PCDHGA2: variants seen among roughly 807,000 people sequenced by gnomAD.
The protein encoded by PCDHGA2 is protocadherin gamma-A2.
Under a neutral mutation model 59.2 loss-of-function variants are expected in PCDHGA2, and 40 were observed. That is an observed-to-expected ratio of 0.68 (90% confidence interval 0.52 to 0.88). The LOEUF is 0.88. PCDHGA2 is among the 40% of genes least tolerant of loss of function. The probability of loss-of-function intolerance (pLI) is 0.00; values close to 1 mark genes in which losing one functional copy is unlikely to be tolerated. For missense variants in PCDHGA2, 1,226 were observed against 1,204.0 expected (o/e 1.02, Z -0.27); for synonymous variants, 560 against 526.0 (o/e 1.06, Z -0.89).
chr5:141,399,813 G>T (rs985564503), intron 1 of PCDHGA2: 1 of 1,613,080 alleles, frequency 6.2e-7, no homozygotes, highest in Admixed American at 1.7e-5. Flanking sequence ...TGTACCCCGC[G>T]CTGGGTCCCG....
At chr5:141,421,322 T>A (rs774885270) in intron 1 of PCDHGA2, 1 of 1,613,864 alleles carries the variant, frequency 6.2e-7, no homozygotes, top group Non-Finnish European at 8.5e-7. Context: ...GCCAGGCAGA[T>A]CCGATATTCG....
At chr5:141,507,704 G>A (rs989196400) in intron 3 of PCDHGA2, among the ~76,000 whole-genome samples, 5 of 152,210 alleles carry the variant, frequency 3.3e-5, no homozygotes, top group African/African-American at 9.6e-5. Context: ...AGTATTTATG[G>A]CCCCAAACCC....
intron 1 of PCDHGA2, chr5:141,471,546 G>T (rs1271594387): frequency 6.6e-6 from 1 of 152,202 alleles, no homozygotes; most frequent in African/African-American, 2.4e-5. Flanking sequence ...AGCATTTAAG[G>T]TTGCTTTGAC....
At position 141,431,580 on chromosome 5, in the gene PCDHGA2, A is replaced by G. The variant is rs777990962; in HGVS notation, c.2425-63227A>G. ...GCTACCGACCCTGACGAAGGAGTCA[A>G]TGCGGAAGTGAGGTATTCCTTCCGG... On this transcript the variant is annotated intron_variant, in intron 1 of 3. Coordinates refer to ENST00000394576, the MANE Select transcript of PCDHGA2 (RefSeq NM_018915.4). The surrounding 1 kb of genome is among the most constrained non-coding windows in gnomAD (Gnocchi z 4.8). 1.2e-5 allele frequency: 19 copies of G among 1,614,098 alleles called. No homozygotes were observed. Among genetic ancestry groups the G allele is most frequent in the Non-Finnish European group, 1.5e-5 (18 of 1,180,040 alleles).
In PCDHGA2 at chr5:141,340,241, G is replaced by A. The variant is rs543278330; in HGVS notation, c.1270G>A (p.Ala424Thr). The part of the protein sequence containing the change: ...QFSFYNITLT[A>T]KDGGNPSLST... ...TTCCTTTTACAACATCACTCTAACC[G>A]CTAAAGATGGAGGGAACCCCTCCCT... The change falls in exon 1 of 4, where the codon GCT becomes ACT. Residue 424 changes from alanine to threonine, a missense_variant. Transcript: ENST00000394576. 1.2e-5 allele frequency: 20 copies of A among 1,614,118 alleles called. No individual in the cohort carries two copies. Among genetic ancestry groups the A allele is most frequent in the East Asian group, 2.2e-5 (1 of 44,870 alleles).
intron 1 of PCDHGA2, among the ~76,000 whole-genome samples, chr5:141,382,474 A>G (rs1436988724): frequency 6.6e-6 from 1 of 152,244 alleles, no homozygotes; most frequent in East Asian, 1.9e-4. Context: ...AAAATTATCT[A>G]AGATTATCAA....
rs1163950013 is a variant in PCDHGA2 at position 141,512,955 on chromosome 5, A to G, written c.*1782A>G. 2 of 152,234 alleles carry G rather than the reference A, an allele frequency of 1.3e-5. No homozygotes were observed. The highest frequency in any genetic ancestry group is 2.9e-5 in the Non-Finnish European group (2 of 68,046). The allele number at this position is 152,234 out of a possible 1,614,324, so 9.4% of individuals were successfully genotyped here. ...GCTTTTTTTCTTCGACAAAAAAATA[A>G]TAAAACGTTTCTTCTGAAAAGCTGA... On this transcript the variant is annotated 3_prime_UTR_variant, in exon 4 of 4. Coordinates refer to ENST00000394576, the MANE Select transcript of PCDHGA2 (RefSeq NM_018915.4).
chr5:141,420,335 A>G (rs2096490280), intron 1 of PCDHGA2: 1 of 1,403,918 alleles, frequency 7.1e-7, no homozygotes, highest in Non-Finnish European at 9.5e-7. Flanking sequence ...ATATTCCAAT[A>G]TAGTGGTATT....
intron 1 of PCDHGA2, chr5:141,415,740 G>GTTTTTTGTTT (rs2095911797): frequency 3.9e-6 from 2 of 515,998 alleles, no homozygotes; most frequent in African/African-American, 2.8e-5. Context: ...GTTTATTAAG[G>GTTTTTTGTTT]TTTTTTTTTT....
intron 1 of PCDHGA2, chr5:141,428,212 C>A (rs1295973505): frequency 8.0e-7 from 1 of 1,255,000 alleles, no homozygotes; most frequent in Non-Finnish European, 1.1e-6. Context: ...TACGCTTCAC[C>A]TAGTCTTCGC....
rs761227475 is a variant in PCDHGA2 at position 141,489,382 on chromosome 5, G to A, written c.2425-5425G>A. 4 of 1,613,872 alleles carry A rather than the reference G, an allele frequency of 2.5e-6. No homozygotes were observed. The highest frequency in any genetic ancestry group is 1.7e-5 in the Admixed American group (1 of 60,006). On this transcript the variant is annotated intron_variant, in intron 1 of 3. Coordinates refer to ENST00000394576, the MANE Select transcript of PCDHGA2 (RefSeq NM_018915.4). The surrounding 1 kb of genome is among the most constrained non-coding windows in gnomAD (Gnocchi z 4.5). ...TGAGCCGGGGACGCTGGTGGGGAATGTTGCTCAGGATCTGGGCTTAAAGAT... is the reference window on the plus strand; with the variant it reads ...TGAGCCGGGGACGCTGGTGGGGAATATTGCTCAGGATCTGGGCTTAAAGAT...
At chr5:141,445,207 AAAGT>A (rs1322618652) in intron 1 of PCDHGA2, among the ~76,000 whole-genome samples, 1 of 152,196 alleles carries the variant, frequency 6.6e-6, no homozygotes, top group Non-Finnish European at 1.5e-5. Flanking sequence ...ATGCTTTTGA[AAAGT>A]AAGAGGTGCA....
At chr5:141,398,743 A>C (rs770231078) in intron 1 of PCDHGA2, 2 of 1,613,864 alleles carry the variant, frequency 1.2e-6, no homozygotes, top group Admixed American at 3.3e-5. Flanking sequence ...GGAACAACAG[A>C]GTTACCATCG....
At chr5:141,433,732 G>A (rs1181042854) in intron 1 of PCDHGA2, among the ~76,000 whole-genome samples, 2 of 151,886 alleles carry the variant, frequency 1.3e-5, no homozygotes, top group Non-Finnish European at 2.9e-5. Flanking sequence ...AGCTACTTGG[G>A]AGGCTGAGTC....
intron 1 of PCDHGA2, chr5:141,392,161 C>T (rs2092476241): frequency 6.6e-6 from 1 of 152,200 alleles, no homozygotes; most frequent in African/African-American, 2.4e-5. Context: ...AAAACAATTT[C>T]TGAGTCAGTC....
chr5:141,375,235 T>C (rs1335648205), intron 1 of PCDHGA2: 1 of 1,613,872 alleles, frequency 6.2e-7, no homozygotes, highest in Non-Finnish European at 8.5e-7. Flanking sequence ...TGGTAACCTG[T>C]TCCATCCCGA....
At chr5:141,385,897 T>G (rs1239530596) in intron 1 of PCDHGA2, 1 of 152,628 alleles carries the variant, frequency 6.6e-6, no homozygotes, top group East Asian at 1.9e-4. Flanking sequence ...GAAATGTGTG[T>G]GTATCACACT....
rs778153551 is a variant in PCDHGA2 at position 141,339,688 on chromosome 5, G to A, written c.717G>A (p.Ala239=). 43 of 1,614,032 alleles carry A rather than the reference G, an allele frequency of 2.7e-5. No homozygotes were observed. In the Middle Eastern group the frequency reaches 8.2e-4, roughly 31 times the overall value. ...CVKVLDANDN[A]PVFTQPEYRI... ...AGGTCCTGGATGCGAACGACAATGC[G>A]CCTGTTTTTACACAGCCCGAGTACC... The change falls in exon 1 of 4, where the codon GCG becomes GCA. Residue 239 remains alanine (A), a synonymous_variant. Transcript: ENST00000394576.
intron 1 of PCDHGA2, chr5:141,393,251 G>A: frequency 6.2e-7 from 1 of 1,613,814 alleles, no homozygotes; most frequent in Non-Finnish European, 8.5e-7. Context: ...ACGAAATCGC[G>A]GTTCCTGGAG....
Sources: gnomAD v4.1 joint callset for allele counts (sites outside exome capture counted in the v4.1 genomes callset) on GRCh38, gnomAD v4.1.1 for gene constraint, Gnocchi (gnomAD v3.1) non-coding constraint, MANE v1.5 for transcripts, NCBI Gene and HGNC (gene_info 2026-07-23, HGNC 2026-07-21) for gene names.